SCN7A: variants seen among roughly 807,000 people sequenced by gnomAD.
SCN7A encodes sodium channel protein type 7 subunit alpha.
In SCN7A, 138 loss-of-function variants were observed where a neutral mutation model predicts 155.2. The observed-to-expected ratio is 0.89, with a 90% CI of 0.77 to 1.02. The LOEUF is 1.02. Ranked by LOEUF, SCN7A falls within the 50% of genes least tolerant of loss-of-function variation. SCN7A has a pLI of 0.00. For missense variants in SCN7A, 2,058 were observed against 1,986.6 expected (o/e 1.04, Z -0.68); for synonymous variants, 693 against 649.0 (o/e 1.07, Z -1.03).
In SCN7A at chr2:166,456,919, T is replaced by G; in HGVS notation, c.1241A>C (p.Lys414Thr). ...VGEISKKIEP[K>T]FQQTGKELQE... ...AAGTTCTTTTCCAGTCTGTTGAAAT[T>G]TTGGTTCAATCTTCTTAGATATTTC... Residue 414 changes from lysine to threonine, a missense_variant, in exon 11 of 26, where the codon AAA (lysine) becomes ACA (threonine). By Grantham distance (78) the Lys-to-Thr change is moderately conservative. Transcript: ENST00000643258. 2 of 1,561,054 alleles carry G rather than the reference T, an allele frequency of 1.3e-6. No individual in the cohort carries two copies. Among genetic ancestry groups the G allele is most frequent in the Non-Finnish European group, 1.7e-6 (2 of 1,151,784 alleles).
chr2:166,489,087 C>T (rs1192021737), intron 1 of SCN7A, among the ~76,000 whole-genome samples: 1 of 152,068 alleles, frequency 6.6e-6, no homozygotes, highest in Admixed American at 6.6e-5. Flanking sequence ...AAAATGTCTA[C>T]CCTAAGGGAC....
chr2:166,434,964 GAA>G (rs1054663181), intron 15 of SCN7A, among the ~76,000 whole-genome samples: 15 of 151,928 alleles, frequency 9.9e-5, no homozygotes, highest in African/African-American at 3.6e-4. Flanking sequence ...ATTTGAACAA[GAA>G]AAAGTTTATG....
At chr2:166,425,598 T>C (rs771448177) in intron 18 of SCN7A, among the ~76,000 whole-genome samples, 1 of 152,036 alleles carries the variant, frequency 6.6e-6, no homozygotes, top group African/African-American at 2.4e-5. Flanking sequence ...CTTTTTCAGC[T>C]TCTAGTGACT....
At chr2:166,414,197 AT>A (rs1330993042) in intron 21 of SCN7A, among the ~76,000 whole-genome samples, 1 of 99,412 alleles carries the variant, frequency 1.0e-5, no homozygotes, top group African/African-American at 4.1e-5. Flanking sequence ...AATATATAAT[AT>A]ATTATATATA....
chr2:166,489,601 GATT>G (rs566222004), intron 1 of SCN7A, among the ~76,000 whole-genome samples: 82 of 152,252 alleles, frequency 5.4e-4, no homozygotes, highest in African/African-American at 1.8e-3. Context: ...TTTGCTTTTG[GATT>G]ATTTTTTCAC....
At chr2:166,407,712 T>C (rs1701105405) in intron 25 of SCN7A, among the ~76,000 whole-genome samples, 1 of 151,910 alleles carries the variant, frequency 6.6e-6, no homozygotes, top group Admixed American at 6.6e-5. Context: ...ACCCAGTCTC[T>C]TTTTTGGGGG....
chr2:166,420,234 CTTAA>C (rs1422767436), intron 20 of SCN7A, among the ~76,000 whole-genome samples: 1 of 151,868 alleles, frequency 6.6e-6, no homozygotes. Flanking sequence ...GTTATGGTTT[CTTAA>C]TTAATAACAG....
intron 23 of SCN7A, among the ~76,000 whole-genome samples, chr2:166,411,826 G>A (rs1442519751): frequency 6.6e-6 from 1 of 151,928 alleles, no homozygotes; most frequent in Admixed American, 6.6e-5. Flanking sequence ...TTTTACACAT[G>A]GCTAAAGTTT....
chr2:166,439,147 C>T (rs1206383404), intron 15 of SCN7A, among the ~76,000 whole-genome samples: 1 of 149,162 alleles, frequency 6.7e-6, no homozygotes, highest in African/African-American at 2.5e-5. Context: ...CTTTCCTCAA[C>T]AGCCATAACT....
chr2:166,489,195 C>T (rs1344257639), intron 1 of SCN7A, among the ~76,000 whole-genome samples: 2 of 152,106 alleles, frequency 1.3e-5, no homozygotes, highest in African/African-American at 2.4e-5. Flanking sequence ...GAAAGTTTCA[C>T]CAAATCAGTT....
intron 1 of SCN7A, among the ~76,000 whole-genome samples, chr2:166,489,200 T>C (rs1683021258): frequency 6.6e-6 from 1 of 152,168 alleles, no homozygotes; most frequent in Non-Finnish European, 1.5e-5. Flanking sequence ...TTTCACCAAA[T>C]CAGTTACTAA....
intron 11 of SCN7A, among the ~76,000 whole-genome samples, chr2:166,452,770 G>T (rs1297217023): frequency 3.3e-5 from 5 of 152,120 alleles, no homozygotes; most frequent in Admixed American, 3.3e-4. Context: ...GTATTCCTCA[G>T]TGTTGTGAAA....
intron 18 of SCN7A, among the ~76,000 whole-genome samples, chr2:166,426,102 AAG>A (rs1372371538): frequency 2.0e-5 from 3 of 152,120 alleles, no homozygotes; most frequent in African/African-American, 7.2e-5. Context: ...TACTCTAAGA[AAG>A]AGATACAACG....
intron 15 of SCN7A, chr2:166,441,180 G>GA (rs1225809597): frequency 2.2e-6 from 1 of 452,046 alleles, no homozygotes; most frequent in East Asian, 3.3e-5. Flanking sequence ...ATCATTTTTT[G>GA]TGTAAGACTT....
At chr2:166,473,379 G>T (rs1260488764) in intron 5 of SCN7A, among the ~76,000 whole-genome samples, 1 of 151,514 alleles carries the variant, frequency 6.6e-6, no homozygotes, top group African/African-American at 2.4e-5. Flanking sequence ...TGGTGATATT[G>T]TTACAGTCAC....
At chr2:166,441,868 C>A in intron 14 of SCN7A, 116 bp from the exon 15 acceptor site, 1 of 688,970 alleles carries the variant, frequency 1.5e-6, no homozygotes, top group Non-Finnish European at 2.4e-6. Flanking sequence ...GAGTTTTAAG[C>A]ATTATTAACT....
At chr2:166,454,029 A>G (rs947540031) in intron 11 of SCN7A, among the ~76,000 whole-genome samples, 8 of 152,218 alleles carry the variant, frequency 5.3e-5, no homozygotes, top group Admixed American at 4.6e-4. Context: ...AATGGGATCC[A>G]GAGCAGAAAA....
At chr2:166,439,055 G>GTGTGTGTGTATATATA (rs375208870) in intron 15 of SCN7A, among the ~76,000 whole-genome samples, 1 of 113,412 alleles carries the variant, frequency 8.8e-6, no homozygotes, top group Non-Finnish European at 1.7e-5. Context: ...GTGTGTGTGT[G>GTGTGTGTGTATATATA]TATATATATA....
intron 4 of SCN7A, 122 bp from the exon 5 acceptor site, chr2:166,474,010 T>TAACAAA: frequency 1.9e-6 from 1 of 538,370 alleles, no homozygotes; most frequent in Non-Finnish European, 3.2e-6. Context: ...GCATTAATAT[T>TAACAAA]TGTTAATATT....
Sources: allele counts gnomAD v4.1 joint callset (sites outside exome capture counted in the v4.1 genomes callset), GRCh38; gene constraint gnomAD v4.1.1; transcripts MANE v1.5; gene names NCBI Gene and HGNC (gene_info 2026-07-23, HGNC 2026-07-21).